The following UBE4A variants were observed in gnomAD, a reference collection of about 807,000 sequenced individuals.
UBE4A encodes ubiquitination factor E4A, also known as ubiquitin conjugation factor E4 A.
A neutral mutation model predicts 117.9 loss-of-function variants in UBE4A; 48 were observed. That is an observed-to-expected ratio of 0.41 (90% CI 0.32 to 0.52). UBE4A has a LOEUF of 0.52. UBE4A is among the 20% of genes least tolerant of loss of function. The pLI, the probability that UBE4A is intolerant of heterozygous loss-of-function variation, is 0.33. For synonymous variants in UBE4A, 407 were observed against 450.0 expected (o/e 0.90, Z 1.21); for missense variants, 1,067 against 1,296.3 (o/e 0.82, Z 2.72).
At chr11:118,393,550 C>A (rs957753401) in intron 19 of UBE4A, among the ~76,000 whole-genome samples, 4 of 152,042 alleles carry the variant, frequency 2.6e-5, no homozygotes, top group Non-Finnish European at 4.4e-5. Flanking sequence ...CCAACCGCCT[C>A]AGCCTCCCAA....
rs184238025 is a variant in UBE4A at position 118,376,971 on chromosome 11, C to G, written c.1571+277C>G. Among the ~76,000 whole-genome samples, 20 of 151,838 alleles carry G rather than the reference C, an allele frequency of 1.3e-4. No individual in the cohort carries two copies. The East Asian group carries it at 2.3e-3, about 18-fold the overall frequency. On this transcript the variant is annotated intron_variant, in intron 10 of 19. Coordinates refer to ENST00000252108, the MANE Select transcript of UBE4A (RefSeq NM_001204077.2). Reference sequence around the variant, plus strand: ...CAGAGGCTGAGGCAGGAGGATTGCTCTAGCCGAAGAGTTGGAGGCCACAGT... The same window carrying G: ...CAGAGGCTGAGGCAGGAGGATTGCTGTAGCCGAAGAGTTGGAGGCCACAGT...
Position 118,375,150 on chromosome 11 carries a change from C to T in UBE4A, c.1371C>T (p.Leu457=), listed in dbSNP as rs1948640448. 2 of 1,614,054 alleles carry T rather than the reference C, an allele frequency of 1.2e-6. No individual in the cohort carries two copies. The part of the protein sequence containing the change: ...QPFCKPRSSR[L]LTFNPTYCAL... ...TTTGCAAACCCAGATCCTCTCGGCT[C>T]CTCACCTTTAATCCCACATACTGTG... Residue 457 remains leucine (L), a synonymous_variant, in exon 9 of 20, where the codon CTC becomes CTT. Coordinates refer to ENST00000252108, the MANE Select transcript of UBE4A (RefSeq NM_001204077.2).
At chr11:118,370,427 C>T (rs1409730705) in intron 4 of UBE4A, among the ~76,000 whole-genome samples, 5 of 152,012 alleles carry the variant, frequency 3.3e-5, no homozygotes, top group African/African-American at 1.2e-4. Context: ...AGTTACCAGC[C>T]CTGGCAACAT....
rs777643149 is a variant in UBE4A at position 118,369,523 on chromosome 11, C to T, written c.396C>T (p.Ser132=). The T allele has an allele frequency of 1.4e-5, 23 of 1,613,448 alleles. No homozygotes were observed. Among genetic ancestry groups the T allele is most frequent in the Non-Finnish European group, 8.5e-7 (1 of 1,179,554 alleles). Residue 132 remains serine (S), a synonymous_variant, in exon 4 of 20, where the codon AGC becomes AGT. Transcript: ENST00000252108. ...AAGATCAAGACTGGCTTGATATGAG[C>T]AATGTTGAGCAGGTAATATTCTTAC... ...ELEDQDWLDM[S]NVEQALFARL...
chr11:118,369,646 C>A, intron 4 of UBE4A, 111 bp downstream of exon 4: 5 of 491,636 alleles, frequency 1.0e-5, no homozygotes, highest in East Asian at 3.7e-5. Context: ...ATCCCTCTCT[C>A]TTTTTTTTTT....
chr11:118,363,555 T>C (rs537321789), intron 1 of UBE4A, among the ~76,000 whole-genome samples: 1 of 151,332 alleles, frequency 6.6e-6, no homozygotes, highest in East Asian at 1.9e-4. Flanking sequence ...AGAAATGTTA[T>C]AAATAATCTC....
intron 19 of UBE4A, 46 bp downstream of exon 19, chr11:118,392,941 G>C: frequency 6.4e-7 from 1 of 1,572,154 alleles, no homozygotes; most frequent in Non-Finnish European, 8.6e-7. Context: ...ATATATATTA[G>C]TTTGCTATCT....
chr11:118,374,801 T>C, intron 8 of UBE4A, 95 bp from the exon 9 acceptor site: 1 of 1,152,386 alleles, frequency 8.7e-7, no homozygotes. Flanking sequence ...AGATTAGGAT[T>C]AGCATATTTT....
chr11:118,373,051 G>T (rs780869711), intron 6 of UBE4A, 35 bp from the exon 7 acceptor site: 2 of 1,572,090 alleles, frequency 1.3e-6, no homozygotes, highest in South Asian at 1.1e-5. Context: ...AAAAATTCTT[G>T]TGCCCTCCTT....
intron 19 of UBE4A, among the ~76,000 whole-genome samples, chr11:118,393,354 T>G (rs1418021767): frequency 6.6e-6 from 1 of 151,934 alleles, no homozygotes; most frequent in African/African-American, 2.4e-5. Context: ...GAGGCAGAGG[T>G]TGCAATGAGC....
At chr11:118,365,314 TG>T in intron 2 of UBE4A, 113 bp downstream of exon 2, 2 of 1,406,452 alleles carry the variant, frequency 1.4e-6, no homozygotes, top group Non-Finnish European at 1.9e-6. Context: ...GAACAAAAGT[TG>T]GTTTTTGTTT....
chr11:118,371,395 A>T, intron 4 of UBE4A, 119 bp from the exon 5 acceptor site: 1 of 1,273,942 alleles, frequency 7.8e-7, no homozygotes, highest in Non-Finnish European at 1.1e-6. Context: ...TTTCTCCTTC[A>T]CTCTACATTC....
rs1347828119 is a variant in UBE4A at position 118,375,004 on chromosome 11, G to A, written c.1225G>A (p.Ala409Thr). Residue 409 changes from alanine to threonine, a missense_variant, in exon 9 of 20, where the codon GCA (alanine) becomes ACA (threonine). This residue lies in a region of UBE4A where 1,001 missense variants were observed against 1,184.0 expected (regional missense o/e 0.85). Transcript: ENST00000252108. Reference protein sequence around the residue: ...ILSWLGNCLHANAGRTKIWAN... With the variant: ...ILSWLGNCLHTNAGRTKIWAN... ...GTCCTGGCTTGGAAACTGTTTGCAT[G>A]CAAATGCAGGCCGCACCAAGATTTG... 10 of 1,612,952 alleles carry A rather than the reference G, an allele frequency of 6.2e-6. No individual in the cohort carries two copies. The East Asian group carries it at 1.3e-4, about 22-fold the overall frequency.
At chr11:118,368,195 G>A (rs1363260297) in intron 2 of UBE4A, among the ~76,000 whole-genome samples, 2 of 152,154 alleles carry the variant, frequency 1.3e-5, no homozygotes, top group African/African-American at 4.8e-5. Flanking sequence ...ACTGTTAAGT[G>A]TCTTTAGGGA....
chr11:118,373,692 C>T lies in UBE4A; in HGVS notation c.1116+7C>T. 1 of 1,612,342 alleles carries T rather than the reference C, an allele frequency of 6.2e-7. No individual in the cohort carries two copies. The highest frequency in any genetic ancestry group is 2.2e-5 in the East Asian group (1 of 44,866). On this transcript the variant is annotated splice_region_variant and intron_variant, in intron 8 of 19. Transcript: ENST00000252108. ...GGAGGCCAACATCCATCAGGTGGAA[C>T]TGTTTACCAGGGTATCCCAGCCCCC...
At chr11:118,369,617 T>TAC in intron 4 of UBE4A, 82 bp downstream of exon 4, 1 of 971,434 alleles carries the variant, frequency 1.0e-6, no homozygotes. Context: ...CTCCAACTTA[T>TAC]GCTTGTGTCC....
At chr11:118,372,479 T>C (rs746921894) in intron 5 of UBE4A, 28 bp from the exon 6 acceptor site, 176 of 1,593,114 alleles carry the variant, frequency 1.1e-4, no homozygotes, top group Non-Finnish European at 1.5e-4. Context: ...AGTTAGACTA[T>C]TCCCTCTTTT....
intron 1 of UBE4A, among the ~76,000 whole-genome samples, chr11:118,364,269 C>T (rs1399604954): frequency 6.6e-6 from 1 of 152,014 alleles, no homozygotes; most frequent in African/African-American, 2.4e-5. Flanking sequence ...CTCTACTAAA[C>T]ACCTTTGAGG....
Position 118,384,931 on chromosome 11 carries a change from G to GATGAAGCC in UBE4A, c.2401_2408dup (p.Ile803MetfsTer7). 6.7e-7 allele frequency: 1 copy of GATGAAGCC among 1,500,064 alleles called. No homozygotes were observed. The highest frequency in any genetic ancestry group is 9.2e-7 in the Non-Finnish European group (1 of 1,086,796). The allele number at this position is 1,500,064 out of a possible 1,614,324, so 92.9% of individuals were successfully genotyped here. A position where few individuals can be genotyped will look rare whatever the true frequency, so the allele number is the denominator to read the frequency against. On this transcript the variant is annotated frameshift_variant, in exon 15 of 20. Transcript: ENST00000252108. LOFTEE classifies it high-confidence loss of function. The stretch of plus-strand genomic sequence containing the variant: ...AATGAATGATGCCATCTTCCTTTTG[G>GATGAAGCC]ATGAAGCCATACAGGTAAAAAAAAA...
Sources: allele counts gnomAD v4.1 joint callset (sites outside exome capture counted in the v4.1 genomes callset), GRCh38; gene constraint gnomAD v4.1.1; regional missense constraint gnomAD v4.1.1; transcripts MANE v1.5; gene names NCBI Gene and HGNC (gene_info 2026-07-23, HGNC 2026-07-21).